Variants in ATP11C observed in about 807,000 individuals in gnomAD.
The protein encoded by ATP11C is ATPase phospholipid transporting 11C (ATP11C blood group), also known as phospholipid-transporting ATPase IG.
ATP11C carries 36 observed loss-of-function variants against 97.4 expected under a neutral mutation model. The observed-to-expected ratio is 0.37, with a 90% confidence interval of 0.28 to 0.49. The LOEUF is 0.49. Among genes scored for constraint, ATP11C ranks in the 20% least tolerant of loss-of-function variants. The pLI is 0.98. For missense variants in ATP11C, 730 were observed against 824.6 expected, an observed-to-expected ratio of 0.89 and a Z score of 1.40; for synonymous variants, 275 against 290.9, an observed-to-expected ratio of 0.95 and a Z score of 0.56.
At chrX:139,918,369 T>C (rs991815239) in intron 1 of ATP11C, among the ~76,000 whole-genome samples, 1 of 111,907 alleles carries the variant, frequency 8.9e-6, no homozygotes, top group African/African-American at 3.3e-5. Context: ...CCCAGCACTT[T>C]GGGAGGCCGA....
intron 1 of ATP11C, among the ~76,000 whole-genome samples, chrX:139,837,368 G>GT (rs1172160723): frequency 8.9e-6 from 1 of 111,985 alleles, no homozygotes; most frequent in Non-Finnish European, 1.9e-5. Flanking sequence ...CACAGTAGTT[G>GT]TAGGTTTCTT....
intron 24 of ATP11C, among the ~76,000 whole-genome samples, chrX:139,747,183 A>G (rs2081706771): frequency 9.0e-6 from 1 of 111,581 alleles, no homozygotes; most frequent in African/African-American, 3.3e-5. Flanking sequence ...CACCTCCGTA[A>G]AGATCCTTGC....
At chrX:139,869,228 T>C (rs760383705) in intron 1 of ATP11C, among the ~76,000 whole-genome samples, 45 of 112,335 alleles carry the variant, frequency 4.0e-4, no homozygotes, top group African/African-American at 1.3e-3. Flanking sequence ...CAAATGTCCA[T>C]TGACAGATGA....
At chrX:139,931,934 A>G in intron 1 of ATP11C, 82 bp downstream of exon 1, 3 of 1,069,334 alleles carry the variant, frequency 2.8e-6, no homozygotes, top group East Asian at 3.6e-5. Flanking sequence ...CTGCCCCCTC[A>G]GAAAATTGTT....
At chrX:139,746,786 A>G (rs1230176033) in intron 24 of ATP11C, among the ~76,000 whole-genome samples, 1 of 111,873 alleles carries the variant, frequency 8.9e-6, no homozygotes, top group Non-Finnish European at 1.9e-5. Flanking sequence ...GAGCTGCAGA[A>G]AAAGATGGGT....
intron 5 of ATP11C, among the ~76,000 whole-genome samples, chrX:139,807,382 C>G (rs940108411): frequency 3.6e-5 from 4 of 111,215 alleles, no homozygotes; most frequent in African/African-American, 1.3e-4. Flanking sequence ...CATCAAAAAC[C>G]AAAGCCAGCC....
intron 1 of ATP11C, among the ~76,000 whole-genome samples, chrX:139,860,308 C>A (rs1569481498): frequency 1.8e-5 from 2 of 110,663 alleles, no homozygotes; most frequent in Non-Finnish European, 3.8e-5. Flanking sequence ...CTGCAACTTA[C>A]CAATGAATTA....
At chrX:139,834,053 T>C (rs1257038210) in intron 1 of ATP11C, among the ~76,000 whole-genome samples, 1 of 111,881 alleles carries the variant, frequency 8.9e-6, no homozygotes, top group Non-Finnish European at 1.9e-5. Context: ...ATAACCCACA[T>C]GTAAATGTTT....
At chrX:139,873,337 A>C (rs992009668) in intron 1 of ATP11C, among the ~76,000 whole-genome samples, 1 of 111,977 alleles carries the variant, frequency 8.9e-6, no homozygotes, top group Non-Finnish European at 1.9e-5. Flanking sequence ...AGATGACAAG[A>C]GTTCTAGAGA....
At chrX:139,869,886 CAA>C (rs59723137) in intron 1 of ATP11C, among the ~76,000 whole-genome samples, 59 of 42,211 alleles carry the variant, frequency 1.4e-3, no homozygotes, top group African/African-American at 3.2e-3. Context: ...ACTAGACTGG[CAA>C]AAAAAAAAAA....
intron 12 of ATP11C, among the ~76,000 whole-genome samples, chrX:139,790,802 A>C (rs1174051520): frequency 8.9e-6 from 1 of 111,925 alleles, no homozygotes; most frequent in African/African-American, 3.2e-5. Flanking sequence ...AAGTTTCCAA[A>C]TTTAGAAAAA....
chrX:139,832,371 G>T, intron 1 of ATP11C: 2 of 987,342 alleles, frequency 2.0e-6, no homozygotes, highest in Admixed American at 3.8e-5. Context: ...GGAAGCATCA[G>T]ATGACAGTCT....
At chrX:139,785,430 T>C in intron 15 of ATP11C, 131 bp from the exon 16 acceptor site, 1 of 451,473 alleles carries the variant, frequency 2.2e-6, no homozygotes, top group South Asian at 4.3e-5. Context: ...ACTGGTACTT[T>C]CCTTTGTCTC....
rs187207384 is a variant in ATP11C at position 139,916,016 on chromosome X, G to T, written c.27+16000C>A. 9.8e-3 allele frequency among the ~76,000 whole-genome samples: 1,093 copies of T among 111,337 alleles called. 13 individuals carry two copies. Among genetic ancestry groups the T allele is most frequent in the Middle Eastern group, 0.014 (3 of 216 alleles). On this transcript the variant is annotated intron_variant, in intron 1 of 29. Transcript: ENST00000682941. ...GGCCGAGGCAGACAGATTACCTGAG[G>T]TCAGGAGTTCGAGACCAGCCTGCCC... is the stretch of plus-strand genomic sequence containing the variant.
intron 18 of ATP11C, 53 bp downstream of exon 18, chrX:139,782,494 T>C: frequency 2.2e-6 from 2 of 918,485 alleles, no homozygotes; most frequent in Non-Finnish European, 3.0e-6. Flanking sequence ...CTGGGGCAGA[T>C]CACACCCAAA....
intron 4 of ATP11C, among the ~76,000 whole-genome samples, chrX:139,815,212 T>C (rs1330483381): frequency 8.9e-6 from 1 of 112,312 alleles, no homozygotes; most frequent in African/African-American, 3.2e-5. Flanking sequence ...TTTTCTCCAC[T>C]CTTTAAACAT....
intron 28 of ATP11C, chrX:139,732,427 G>T: frequency 2.8e-6 from 1 of 357,527 alleles, no homozygotes; most frequent in Admixed American, 2.6e-5. Context: ...ATTAAGAAAG[G>T]AAATCACCTT....
intron 1 of ATP11C, among the ~76,000 whole-genome samples, chrX:139,891,430 G>C (rs984895081): frequency 9.8e-5 from 11 of 111,761 alleles, no homozygotes; most frequent in Admixed American, 9.5e-4. Context: ...GTGTTAACTG[G>C]AATGGCAGAA....
At chrX:139,754,423 T>C (rs1278306369) in intron 23 of ATP11C, among the ~76,000 whole-genome samples, 2 of 110,730 alleles carry the variant, frequency 1.8e-5, no homozygotes, top group African/African-American at 3.3e-5. Context: ...GGAAGATCTG[T>C]AGCATTCCTA....
Sources: allele counts gnomAD v4.1 joint callset (sites outside exome capture counted in the v4.1 genomes callset), GRCh38; gene constraint gnomAD v4.1.1; transcripts MANE v1.5; gene names NCBI Gene and HGNC (gene_info 2026-07-23, HGNC 2026-07-21).